TMEM114: variants seen among roughly 807,000 people sequenced by gnomAD.
TMEM114 encodes the protein transmembrane protein 114, also known as claudin-26.
Under a neutral mutation model 6.2 loss-of-function variants are expected in TMEM114, and 6 were observed. The ratio of observed to expected loss-of-function variants is 0.97; its 90% CI spans 0.53 to 1.91. TMEM114 has a LOEUF of 1.91. Among genes scored for constraint, TMEM114 ranks in the 40% most tolerant of loss-of-function variants. The pLI is 0.01. For missense variants in TMEM114, 218 were observed against 158.3 expected (o/e 1.38, Z -2.02); for synonymous variants, 104 against 73.0 (o/e 1.42, Z -2.16).
intron 2 of TMEM114, among the ~76,000 whole-genome samples, chr16:8,547,781 G>C (rs1444515464): frequency 6.6e-6 from 1 of 152,142 alleles, no homozygotes; most frequent in Non-Finnish European, 1.5e-5. Context: ...GAAGTCTCGG[G>C]GAAGTGCGGA....
At chr16:8,580,308 G>A (rs367574656) in intron 2 of TMEM114, among the ~76,000 whole-genome samples, 2 of 152,190 alleles carry the variant, frequency 1.3e-5, no homozygotes, top group African/African-American at 2.4e-5. Flanking sequence ...CCAACATGGC[G>A]AAAACCCGTC....
chr16:8,587,626 G>C (rs932018734), intron 2 of TMEM114, among the ~76,000 whole-genome samples: 1 of 152,216 alleles, frequency 6.6e-6, no homozygotes, highest in Non-Finnish European at 1.5e-5. Context: ...GGGCTGGAGA[G>C]GGACCCTACC....
At chr16:8,536,499 G>T (rs943170624), downstream of TMEM114, among the ~76,000 whole-genome samples, 1 of 152,080 alleles carries the variant, frequency 6.6e-6, no homozygotes, top group Non-Finnish European at 1.5e-5. Context: ...ACTAGCAATG[G>T]GGAGAGTCAC....
At chr16:8,572,888 A>T (rs1901783189) in intron 2 of TMEM114, among the ~76,000 whole-genome samples, 1 of 152,114 alleles carries the variant, frequency 6.6e-6, no homozygotes, top group South Asian at 2.1e-4. Context: ...CAGCCGTGGG[A>T]CCTTAAGAGA....
intron 2 of TMEM114, among the ~76,000 whole-genome samples, chr16:8,560,245 G>A (rs534238788): frequency 4.1e-4 from 62 of 151,954 alleles, no homozygotes; most frequent in African/African-American, 1.1e-3. Context: ...CGATCCTCCT[G>A]TCTTGGCCTT....
chr16:8,563,358 T>A (rs1356980386), intron 2 of TMEM114, among the ~76,000 whole-genome samples: 1 of 147,218 alleles, frequency 6.8e-6, no homozygotes, highest in Non-Finnish European at 1.5e-5. Context: ...AATGAGTGAG[T>A]GAGGGAGGGA....
At chr16:8,551,736 T>C (rs8059754) in intron 2 of TMEM114, among the ~76,000 whole-genome samples, 63,656 of 152,064 alleles carry the variant, frequency 0.42, 13,709 homozygotes, top group East Asian at 0.52. Flanking sequence ...TGAAATAAAA[T>C]TTAACAGTGT....
At chr16:8,584,261 G>T (rs1235217610) in intron 2 of TMEM114, among the ~76,000 whole-genome samples, 1 of 152,176 alleles carries the variant, frequency 6.6e-6, no homozygotes, top group Non-Finnish European at 1.5e-5. Context: ...TAAGATTTGA[G>T]TTTCTGTCAC....
intron 3 of TMEM114, 41 bp downstream of exon 3, chr16:8,572,046 C>T (rs1273702133): frequency 4.0e-6 from 6 of 1,488,530 alleles, no homozygotes; most frequent in Non-Finnish European, 4.5e-6. Context: ...TGCCCAACCC[C>T]CAGACCACAA....
intron 2 of TMEM114, among the ~76,000 whole-genome samples, chr16:8,545,409 T>C (rs1242967630): frequency 6.6e-6 from 1 of 152,146 alleles, no homozygotes; most frequent in Non-Finnish European, 1.5e-5. Context: ...GCACTCACCC[T>C]GTGCAACAGT....
At chr16:8,532,986 C>T (rs1020810983), downstream of TMEM114, among the ~76,000 whole-genome samples, 3 of 152,128 alleles carry the variant, frequency 2.0e-5, no homozygotes, top group African/African-American at 7.2e-5. Flanking sequence ...TTTCTGTGCA[C>T]TGACACTGTG....
chr16:8,544,209 G>A (rs191997573), intron 2 of TMEM114, among the ~76,000 whole-genome samples: 112 of 152,302 alleles, frequency 7.4e-4, no homozygotes, highest in African/African-American at 2.5e-3. Flanking sequence ...ATATATGCAA[G>A]CCCTCTCATG....
At chr16:8,571,635 A>T (rs1362403111) in intron 3 of TMEM114, among the ~76,000 whole-genome samples, 1 of 117,824 alleles carries the variant, frequency 8.5e-6, no homozygotes, top group East Asian at 3.0e-4. Flanking sequence ...TGTGAATTTG[A>T]CTCTTCTAGA....
downstream of TMEM114, among the ~76,000 whole-genome samples, chr16:8,533,325 T>C (rs1315507979): frequency 6.6e-6 from 1 of 152,162 alleles, no homozygotes; most frequent in African/African-American, 2.4e-5. Context: ...CGTGGGAAGA[T>C]CCCAAGGCAG....
intron 2 of TMEM114, among the ~76,000 whole-genome samples, chr16:8,542,884 G>A (rs773418133): frequency 7.2e-5 from 11 of 152,114 alleles, no homozygotes; most frequent in Non-Finnish European, 1.6e-4. Context: ...AGATTGAAAT[G>A]CCAGAATGTA....
chr16:8,530,065 T>C, the TMEM114 span, among the ~76,000 whole-genome samples: 1 of 152,232 alleles, frequency 6.6e-6, no homozygotes, highest in Non-Finnish European at 1.5e-5. Context: ...CTGGTCCCAG[T>C]TGCCTTGAGA....
chr16:8,558,570 A>G (rs1225210714), intron 2 of TMEM114, among the ~76,000 whole-genome samples: 1 of 152,186 alleles, frequency 6.6e-6, no homozygotes, highest in Non-Finnish European at 1.5e-5. Flanking sequence ...GGTCACATTT[A>G]TAGGTAGTGA....
rs559049648 is a variant in TMEM114 at position 8,576,812 on chromosome 16, A to T, written c.302-4588T>A. ...CATCTAATAGGTGCTTTATTTTGGG[A>T]TGGGTATTGTAGAGGTACAAAGTTG... is the stretch of plus-strand genomic sequence containing the variant. On this transcript the variant is annotated intron_variant, in intron 2 of 3. Transcript: ENST00000620492. Among the ~76,000 whole-genome samples the T allele has an allele frequency of 5.3e-5, 8 of 152,216 alleles. 1 individual carries two copies. The South Asian group carries it at 1.7e-3, about 32-fold the overall frequency.
intron 2 of TMEM114, among the ~76,000 whole-genome samples, chr16:8,577,235 G>A (rs1461481636): frequency 6.6e-6 from 1 of 152,196 alleles, no homozygotes; most frequent in East Asian, 1.9e-4. Context: ...GATCTAATTG[G>A]CCCTTTCCTT....
Sources: gnomAD v4.1 joint callset for allele counts (sites outside exome capture counted in the v4.1 genomes callset) on GRCh38, gnomAD v4.1.1 for gene constraint, MANE v1.5 for transcripts, NCBI Gene and HGNC (gene_info 2026-07-23, HGNC 2026-07-21) for gene names.